The following PRTG variants were observed in gnomAD, a reference collection of about 807,000 sequenced individuals.
PRTG encodes the protein protogenin.
PRTG carries 67 observed loss-of-function variants against 122.5 expected under a neutral mutation model. That is an observed-to-expected ratio of 0.55 (90% CI 0.45 to 0.67). The LOEUF is 0.67. Ranked by LOEUF, PRTG falls within the 30% of genes least tolerant of loss-of-function variation. PRTG has a pLI of 0.00. For missense variants in PRTG, 1,435 were observed against 1,415.4 expected, an observed-to-expected ratio of 1.01 and a Z score of -0.22; for synonymous variants, 554 against 501.1, an observed-to-expected ratio of 1.11 and a Z score of -1.41.
intron 2 of PRTG, among the ~76,000 whole-genome samples, chr15:55,690,811 C>T (rs2059596475): frequency 6.6e-6 from 1 of 152,166 alleles, no homozygotes; most frequent in African/African-American, 2.4e-5. Context: ...GCATTGAGCA[C>T]ATTACATATT....
In PRTG at chr15:55,617,950, T is replaced by C. The variant is rs572491053; in HGVS notation, c.*2062A>G. ...CCCTGTCAATCTGCCTATGCTTCCA[T>C]GAGGCAGCTCAAAAGTAACAAAACG... On this transcript the variant is annotated 3_prime_UTR_variant, in exon 20 of 20. Coordinates refer to ENST00000389286, the MANE Select transcript of PRTG (RefSeq NM_173814.6). 3 of 152,204 alleles carry C rather than the reference T, an allele frequency of 2.0e-5. No individual in the cohort carries two copies. The highest frequency in any genetic ancestry group is 6.5e-5 in the Admixed American group (1 of 15,278). The allele number at this position is 152,204 out of a possible 1,614,324, so 9.4% of individuals were successfully genotyped here.
At position 55,628,802 on chromosome 15, in the gene PRTG, G is replaced by T; in HGVS notation, c.2806+20C>A. On this transcript the variant is annotated intron_variant, in intron 16 of 19. Transcript: ENST00000389286. ...TTTTTTTCTTAAGAAAAATCACAGT[G>T]ACTACGGCAGTATACAGACCTTTGG... 2 of 1,577,766 alleles carry T rather than the reference G, an allele frequency of 1.3e-6. No individual in the cohort carries two copies. Among genetic ancestry groups the T allele is most frequent in the Non-Finnish European group, 1.7e-6 (2 of 1,159,664 alleles).
intron 7 of PRTG, among the ~76,000 whole-genome samples, 154 bp from the exon 8 acceptor site, chr15:55,678,198 C>G (rs1211547246): frequency 1.3e-5 from 2 of 151,900 alleles, no homozygotes; most frequent in Admixed American, 6.6e-5. Flanking sequence ...TATGTGGAAT[C>G]CTGAAGATTT....
chr15:55,621,432 CG>C (rs2059165628), intron 18 of PRTG, among the ~76,000 whole-genome samples: 1 of 151,162 alleles, frequency 6.6e-6, no homozygotes, highest in African/African-American at 2.4e-5. Flanking sequence ...CTGAGGCGGG[CG>C]GATCATGAGG....
intron 2 of PRTG, among the ~76,000 whole-genome samples, chr15:55,695,015 C>T (rs1459368033): frequency 1.3e-5 from 2 of 152,216 alleles, no homozygotes; most frequent in Non-Finnish European, 2.9e-5. Context: ...GAAACATGCG[C>T]TGTCCTCAAA....
chr15:55,717,210 CT>C (rs1306144779), intron 2 of PRTG, among the ~76,000 whole-genome samples: 1 of 152,062 alleles, frequency 6.6e-6, no homozygotes, highest in Non-Finnish European at 1.5e-5. Context: ...AATGCTTTAA[CT>C]AAAAATATAA....
At chr15:55,675,924 A>G (rs1054329072) in intron 8 of PRTG, among the ~76,000 whole-genome samples, 1 of 152,132 alleles carries the variant, frequency 6.6e-6, no homozygotes, top group African/African-American at 2.4e-5. Flanking sequence ...TCTTCTCTAA[A>G]CTTCATTTAC....
In PRTG at chr15:55,676,906, C is replaced by G. The variant is rs1044644921; in HGVS notation, c.1381+891G>C. ...CATTCAAAATATTCCTTTTCAAAAC[C>G]CTACTTCAAAGTACAAAAAACAAAT... On this transcript the variant is annotated intron_variant, in intron 8 of 19. Coordinates refer to ENST00000389286, the MANE Select transcript of PRTG (RefSeq NM_173814.6). Among the ~76,000 whole-genome samples the G allele has an allele frequency of 2.0e-5, 3 of 152,180 alleles. No individual in the cohort carries two copies. In the East Asian group the frequency reaches 5.8e-4, roughly 29 times the overall value.
intron 11 of PRTG, among the ~76,000 whole-genome samples, chr15:55,670,954 C>T (rs1329672864): frequency 2.3e-5 from 3 of 133,222 alleles, no homozygotes; most frequent in Non-Finnish European, 4.9e-5. Context: ...CACACACACA[C>T]TTTGTGTGTG....
intron 11 of PRTG, among the ~76,000 whole-genome samples, chr15:55,659,888 C>T (rs905448982): frequency 1.3e-5 from 2 of 151,492 alleles, no homozygotes; most frequent in African/African-American, 4.9e-5. Flanking sequence ...CATTGCACTC[C>T]AGCCTGGGCA....
chr15:55,733,210 A>T (rs920163250), intron 2 of PRTG, among the ~76,000 whole-genome samples: 32 of 152,094 alleles, frequency 2.1e-4, no homozygotes, highest in Admixed American at 7.2e-4. Context: ...TCTGTCTCAA[A>T]AAATAGTAAA....
intron 2 of PRTG, among the ~76,000 whole-genome samples, chr15:55,704,850 CAGAT>C (rs907738618): frequency 1.4e-4 from 21 of 152,230 alleles, no homozygotes; most frequent in African/African-American, 2.6e-4. Context: ...TATAGACAGA[CAGAT>C]AGATATCAGA....
chr15:55,685,408 T>C (rs772052811), intron 2 of PRTG, among the ~76,000 whole-genome samples: 7 of 152,162 alleles, frequency 4.6e-5, no homozygotes, highest in Non-Finnish European at 1.0e-4. Context: ...GTATGAAACA[T>C]AAATCTGTTT....
intron 2 of PRTG, among the ~76,000 whole-genome samples, chr15:55,706,254 A>T (rs2030111779): frequency 6.6e-6 from 1 of 151,870 alleles, no homozygotes; most frequent in African/African-American, 2.4e-5. Flanking sequence ...TGCTACAACA[A>T]CTACTGGCCA....
intron 11 of PRTG, among the ~76,000 whole-genome samples, chr15:55,645,433 C>CAAAAAAAAAAAAAAAAAAAAAAAA (rs374791424): frequency 9.5e-4 from 18 of 18,902 alleles, no homozygotes; most frequent in East Asian, 7.8e-3. Flanking sequence ...AACTCCGTCT[C>CAAAAAAAAAAAAAAAAAAAAAAAA]AAAAAAAAAA....
rs1471713724 is a variant in PRTG, at chr15:55,682,408, G to A, written c.632C>T (p.Ala211Val). ...GGCCTCCATACTTTTACGTCGGTGGGCTACAGTGGCAGCAATACAACGATA... is the reference window on the plus strand; with the variant it reads ...GGCCTCCATACTTTTACGTCGGTGGACTACAGTGGCAGCAATACAACGATA... ...GNYRCIAATV[A>V]HRRKSMEASL... is the part of the protein sequence containing the mutation. The change falls in exon 4 of 20, where the codon GCC (alanine) becomes GTC (valine). Residue 211 changes from alanine (A) to valine (V), a missense_variant. Physicochemically the swap from Ala to Val is moderately conservative, Grantham distance 64. Coordinates refer to ENST00000389286, the MANE Select transcript of PRTG (RefSeq NM_173814.6). The A allele has an allele frequency of 2.1e-5, 34 of 1,605,880 alleles. No homozygotes were observed. The highest frequency in any genetic ancestry group is 2.9e-5 in the Non-Finnish European group (34 of 1,175,308).
chr15:55,649,976 A>G (rs1008830539), intron 11 of PRTG, among the ~76,000 whole-genome samples: 1 of 152,222 alleles, frequency 6.6e-6, no homozygotes, highest in Non-Finnish European at 1.5e-5. Flanking sequence ...TTCGTCATCT[A>G]TAAAATGTGG....
intron 9 of PRTG, among the ~76,000 whole-genome samples, chr15:55,674,796 TTAAGC>T (rs2059492995): frequency 6.6e-6 from 1 of 152,092 alleles, no homozygotes; most frequent in Non-Finnish European, 1.5e-5. Context: ...ACAGTATTGA[TTAAGC>T]ATGTATTAAA....
At chr15:55,625,502 A>G (rs1418811647) in intron 17 of PRTG, among the ~76,000 whole-genome samples, 4 of 151,108 alleles carry the variant, frequency 2.6e-5, no homozygotes, top group African/African-American at 9.8e-5. Context: ...CCCAGGGTGG[A>G]GTGCAGTGCT....
Sources: allele counts gnomAD v4.1 joint callset (sites outside exome capture counted in the v4.1 genomes callset), GRCh38; gene constraint gnomAD v4.1.1; transcripts MANE v1.5; gene names NCBI Gene and HGNC (gene_info 2026-07-23, HGNC 2026-07-21).